The following ST6GAL2 variants were observed in gnomAD, a reference collection of about 807,000 sequenced individuals.
ST6GAL2 encodes the protein ST6 beta-galactoside alpha-2,6-sialyltransferase 2, also known as beta-galactoside alpha-2,6-sialyltransferase 2.
In ST6GAL2, 24 loss-of-function variants were observed where a neutral mutation model predicts 37.5. The observed-to-expected ratio is 0.64, with a 90% CI of 0.46 to 0.90. The LOEUF (loss-of-function observed/expected upper bound fraction) is 0.90, where lower values mean the gene tolerates loss of function less well. Among genes scored for constraint, ST6GAL2 ranks in the 40% least tolerant of loss-of-function variants. The pLI is 0.00. For synonymous variants in ST6GAL2, 306 were observed against 295.1 expected (o/e 1.04, Z -0.38); for missense variants, 715 against 712.7 (o/e 1.00, Z -0.04).
chr2:106,846,505 C>A (rs573470256), intron 1 of ST6GAL2, among the ~76,000 whole-genome samples: 23 of 151,990 alleles, frequency 1.5e-4, no homozygotes, highest in African/African-American at 5.6e-4. Flanking sequence ...TATCTTATAC[C>A]CATAATAATT....
chr2:106,819,247 A>G (rs899886675), intron 5 of ST6GAL2, among the ~76,000 whole-genome samples: 2 of 152,166 alleles, frequency 1.3e-5, no homozygotes, highest in African/African-American at 4.8e-5. Flanking sequence ...GTACAAGATT[A>G]TAGAACACCA....
intron 5 of ST6GAL2, among the ~76,000 whole-genome samples, chr2:106,824,607 G>A (rs1676132170): frequency 6.6e-6 from 1 of 152,148 alleles, no homozygotes; most frequent in Non-Finnish European, 1.5e-5. Flanking sequence ...ACTCCAGCCT[G>A]GATGACAGAG....
chr2:106,839,535 A>G (rs1001463295), intron 2 of ST6GAL2, among the ~76,000 whole-genome samples: 1 of 152,144 alleles, frequency 6.6e-6, no homozygotes, highest in Non-Finnish European at 1.5e-5. Context: ...ATCAATAAAT[A>G]ATGCTAATTG....
intron 5 of ST6GAL2, 29 bp downstream of exon 5, chr2:106,830,037 A>G (rs750472630): frequency 3.2e-5 from 51 of 1,606,270 alleles, no homozygotes; most frequent in Non-Finnish European, 3.8e-5. Flanking sequence ...CTGCCCCCCA[A>G]TCATTCCAAT....
chr2:106,851,451 C>T (rs188629259), intron 1 of ST6GAL2, among the ~76,000 whole-genome samples: 69 of 152,334 alleles, frequency 4.5e-4, no homozygotes, highest in African/African-American at 1.6e-3. Context: ...TTCCAAAAGG[C>T]ACAATTTATT....
At chr2:106,816,674 G>A (rs1367977503) in intron 5 of ST6GAL2, among the ~76,000 whole-genome samples, 8 of 152,138 alleles carry the variant, frequency 5.3e-5, no homozygotes, top group East Asian at 1.9e-4. Context: ...CAAGATGGCC[G>A]AATAGAAGCC....
chr2:106,874,372 C>T (rs1034992903), intron 1 of ST6GAL2, among the ~76,000 whole-genome samples: 6 of 151,948 alleles, frequency 3.9e-5, no homozygotes, highest in African/African-American at 1.5e-4. Context: ...AAGGAGAGAT[C>T]CTGAAGGTAG....
At chr2:106,826,044 C>T (rs79586141) in intron 5 of ST6GAL2, among the ~76,000 whole-genome samples, 122 of 152,284 alleles carry the variant, frequency 8.0e-4, no homozygotes, top group South Asian at 1.2e-3. Context: ...AAATGTCTTT[C>T]GTGTTCAAAA....
At chr2:106,838,510 T>C (rs935486385) in intron 2 of ST6GAL2, among the ~76,000 whole-genome samples, 12 of 152,160 alleles carry the variant, frequency 7.9e-5, no homozygotes, top group African/African-American at 2.7e-4. Context: ...CTTGATGTAC[T>C]TCCCTTGCAC....
chr2:106,851,619 T>A (rs897526670), intron 1 of ST6GAL2, among the ~76,000 whole-genome samples: 1 of 152,096 alleles, frequency 6.6e-6, no homozygotes, highest in African/African-American at 2.4e-5. Flanking sequence ...TTAAGCCTTG[T>A]GGTTGACAAG....
intron 1 of ST6GAL2, among the ~76,000 whole-genome samples, chr2:106,879,140 G>A (rs62155554): frequency 4.6e-5 from 7 of 152,098 alleles, no homozygotes; most frequent in Non-Finnish European, 7.4e-5. Flanking sequence ...ATCGAATACC[G>A]TGCTTAACAG....
At chr2:106,849,632 A>C (rs1189888671) in intron 1 of ST6GAL2, among the ~76,000 whole-genome samples, 1 of 152,222 alleles carries the variant, frequency 6.6e-6, no homozygotes, top group Admixed American at 6.5e-5. Context: ...TCCTGGACCT[A>C]GGAGAGATTA....
chr2:106,849,883 TC>T (rs1283331553), intron 1 of ST6GAL2, among the ~76,000 whole-genome samples: 3 of 152,212 alleles, frequency 2.0e-5, no homozygotes, highest in African/African-American at 4.8e-5. Flanking sequence ...TTTCAAAATA[TC>T]CCACCACTTT....
rs538450075 is a variant in ST6GAL2 at position 106,834,244 on chromosome 2, T to C, written c.944-98A>G. ...CAAATCTTTCAATACCTGAAGCTAA[T>C]TATACATCACCAATAAAGTTAAGAT... On this transcript the variant is annotated intron_variant, in intron 2 of 5. Transcript: ENST00000409382. 5.8e-5 allele frequency: 45 copies of C among 773,076 alleles called. No individual in the cohort carries two copies. The African/African-American group carries it at 7.1e-4, about 12-fold the overall frequency. 47.9% of individuals were successfully genotyped at this position (773,076 alleles called of 1,614,324 possible).
chr2:106,812,007 A>G (rs1005101729), intron 5 of ST6GAL2, among the ~76,000 whole-genome samples: 3 of 152,142 alleles, frequency 2.0e-5, no homozygotes, highest in Non-Finnish European at 4.4e-5. Context: ...ACTGCTACGA[A>G]CTGAATGTGT....
chr2:106,819,337 T>C lies in ST6GAL2; in HGVS notation c.1318+10729A>G, dbSNP rs1328364864. On this transcript the variant is annotated intron_variant, in intron 5 of 5. Coordinates refer to ENST00000409382, the MANE Select transcript of ST6GAL2 (RefSeq NM_001142351.2). The stretch of plus-strand genomic sequence containing the variant: ...AAGGTCAAGGATAAAGAAAGGATCC[T>C]AAAAGCAGCAAGAGAAAAAAAAAAC... Among the ~76,000 whole-genome samples, 7 of 149,476 alleles carry C rather than the reference T, an allele frequency of 4.7e-5. No homozygotes were observed. In the East Asian group the frequency reaches 1.4e-3, roughly 29 times the overall value.
intron 4 of ST6GAL2, among the ~76,000 whole-genome samples, chr2:106,832,319 C>T (rs1482427757): frequency 1.3e-5 from 2 of 152,212 alleles, no homozygotes; most frequent in Non-Finnish European, 2.9e-5. Flanking sequence ...AGATATTCTA[C>T]ATTTCCCCCA....
intron 2 of ST6GAL2, among the ~76,000 whole-genome samples, chr2:106,842,768 T>C (rs1676945559): frequency 6.6e-6 from 1 of 152,128 alleles, no homozygotes; most frequent in Non-Finnish European, 1.5e-5. Flanking sequence ...GCATCAGCTA[T>C]GGGGAGGACC....
At position 106,844,028 on chromosome 2, in the gene ST6GAL2, A is replaced by C; in HGVS notation, c.-51T>G. ...GTGTCTTAATGCAGATGGGTGGCAG[A>C]ATGAACCTGAAAAACAGCCAGATGG... On this transcript the variant is annotated 5_prime_UTR_variant, in exon 2 of 6. The change creates a new upstream start codon in the 5' untranslated region. Coordinates refer to ENST00000409382, the MANE Select transcript of ST6GAL2 (RefSeq NM_001142351.2). 6.9e-7 allele frequency: 1 copy of C among 1,459,744 alleles called. No individual in the cohort carries two copies. Among genetic ancestry groups the C allele is most frequent in the Admixed American group, 2.1e-5 (1 of 46,916 alleles). 90.4% of individuals were successfully genotyped at this position (1,459,744 alleles called of 1,614,324 possible).
Sources: gnomAD v4.1 joint callset for allele counts (sites outside exome capture counted in the v4.1 genomes callset) on GRCh38, gnomAD v4.1.1 for gene constraint, MANE v1.5 for transcripts, NCBI Gene and HGNC (gene_info 2026-07-23, HGNC 2026-07-21) for gene names.